ZNF420: variants seen among roughly 807,000 people sequenced by gnomAD.
ZNF420 encodes ATM and p53-associated KZNF protein.
Under a neutral mutation model 44.7 loss-of-function variants are expected in ZNF420, and 31 were observed. That is an observed-to-expected ratio of 0.69 (90% CI 0.52 to 0.94). The LOEUF (loss-of-function observed/expected upper bound fraction) is 0.94. ZNF420 is among the 40% of genes least tolerant of loss of function. ZNF420 has a pLI of 0.00. For missense variants in ZNF420, 681 were observed against 827.9 expected, an observed-to-expected ratio of 0.82 and a Z score of 2.18; for synonymous variants, 245 against 267.4, an observed-to-expected ratio of 0.92 and a Z score of 0.82.
intron 4 of ZNF420, chr19:37,091,329 C>A: frequency 2.7e-6 from 1 of 366,094 alleles, no homozygotes; most frequent in Non-Finnish European, 4.8e-6. Flanking sequence ...CTTCTAATAC[C>A]ATCTTCCCTG....
At chr19:37,055,758 A>G (rs1220525222) in intron 1 of ZNF420, among the ~76,000 whole-genome samples, 1 of 152,216 alleles carries the variant, frequency 6.6e-6, no homozygotes, top group African/African-American at 2.4e-5. Flanking sequence ...CAGAAGGTCA[A>G]CAAAACTGTT....
chr19:37,062,787 T>C (rs1238153926), intron 1 of ZNF420, among the ~76,000 whole-genome samples: 1 of 152,154 alleles, frequency 6.6e-6, no homozygotes, highest in Admixed American at 6.6e-5. Flanking sequence ...AATCCTGAGA[T>C]GGCCAAGGTA....
chr19:37,044,765 T>A (rs932123137), intron 1 of ZNF420, among the ~76,000 whole-genome samples: 3 of 151,726 alleles, frequency 2.0e-5, no homozygotes, highest in African/African-American at 7.3e-5. Context: ...TGAGGCAGAG[T>A]TTGCAATGAG....
intron 1 of ZNF420, among the ~76,000 whole-genome samples, chr19:37,054,160 G>A (rs181554680): frequency 5.3e-5 from 8 of 152,354 alleles, no homozygotes; most frequent in Admixed American, 3.9e-4. Context: ...CTCTGAGCCA[G>A]GCATGGGATA....
At chr19:37,021,006 G>T (rs952399107) in intron 1 of ZNF420, among the ~76,000 whole-genome samples, 5 of 152,164 alleles carry the variant, frequency 3.3e-5, no homozygotes, top group Non-Finnish European at 7.3e-5. Context: ...CTGAACAGAA[G>T]TGTATGCTTT....
chr19:37,011,239 G>A (rs1422236797), intron 1 of ZNF420, among the ~76,000 whole-genome samples: 2 of 152,196 alleles, frequency 1.3e-5, no homozygotes, highest in African/African-American at 2.4e-5. Flanking sequence ...CTCCAAACCC[G>A]TTTCTGGTGG....
chr19:37,052,623 T>C (rs1967660020), intron 1 of ZNF420, among the ~76,000 whole-genome samples: 5 of 152,148 alleles, frequency 3.3e-5, no homozygotes, highest in Admixed American at 2.0e-4. Flanking sequence ...TCTTATGAAG[T>C]TTAGTTTGGC....
At chr19:37,115,441 G>C (rs1970622183) in intron 4 of ZNF420, among the ~76,000 whole-genome samples, 1 of 152,034 alleles carries the variant, frequency 6.6e-6, no homozygotes, top group Non-Finnish European at 1.5e-5. Context: ...ATAGTGGGGA[G>C]AGGGTCAGCA....
At chr19:37,044,236 G>C (rs894025307) in intron 1 of ZNF420, among the ~76,000 whole-genome samples, 5 of 152,218 alleles carry the variant, frequency 3.3e-5, no homozygotes, top group African/African-American at 1.2e-4. Flanking sequence ...CCAAGGATGG[G>C]CTGAGCACAG....
intron 1 of ZNF420, among the ~76,000 whole-genome samples, chr19:37,053,820 A>C (rs1967689447): frequency 6.6e-6 from 1 of 152,236 alleles, no homozygotes; most frequent in African/African-American, 2.4e-5. Flanking sequence ...GACCCACTTG[A>C]GGAGGCAATC....
At position 37,127,534 on chromosome 19, in the gene ZNF420, A is replaced by G. The variant is rs751896879; in HGVS notation, c.543A>G (p.Gln181=). ...QCGKAFSRDS[Q]LSLHQRLHTG... ...GGAAGGCCTTTAGTCGTGATTCACA[A>G]CTCAGTCTTCATCAGAGACTTCATA... Residue 181 remains glutamine, a synonymous_variant, in exon 5 of 5, where the codon CAA becomes CAG. Coordinates refer to ENST00000337995, the MANE Select transcript of ZNF420 (RefSeq NM_144689.5). 6.2e-6 allele frequency: 10 copies of G among 1,613,846 alleles called. No homozygotes were observed. In the South Asian group the frequency reaches 6.6e-5, roughly 11 times the overall value.
In ZNF420 at chr19:37,127,744, T is replaced by C; in HGVS notation, c.753T>C (p.Tyr251=). ...HQKVHTGEKP[Y]ECKECGKAFT... ...AAGTTCATACTGGTGAGAAACCTTA[T>C]GAATGTAAAGAATGTGGGAAGGCCT... Residue 251 remains tyrosine, a synonymous_variant, in exon 5 of 5, where the codon TAT becomes TAC. Transcript: ENST00000337995. The C allele has an allele frequency of 6.2e-7, 1 of 1,614,062 alleles. No homozygotes were observed. The highest frequency in any genetic ancestry group is 1.1e-5 in the South Asian group (1 of 91,080).
chr19:37,009,249 T>C (rs916723939), intron 1 of ZNF420, among the ~76,000 whole-genome samples: 1 of 152,134 alleles, frequency 6.6e-6, no homozygotes, highest in Non-Finnish European at 1.5e-5. Flanking sequence ...GAGGTTGCGT[T>C]AGGGCTACCT....
intron 1 of ZNF420, among the ~76,000 whole-genome samples, chr19:37,061,360 G>T (rs1376358274): frequency 6.6e-6 from 1 of 152,194 alleles, no homozygotes; most frequent in African/African-American, 2.4e-5. Context: ...CCATCAGACT[G>T]TTATATATGC....
At chr19:37,085,892 A>G (rs1030956994) in intron 2 of ZNF420, among the ~76,000 whole-genome samples, 36 of 151,076 alleles carry the variant, frequency 2.4e-4, no homozygotes, top group African/African-American at 8.7e-4. Context: ...CAGCCTCCCA[A>G]GTAGCTAGGA....
intron 1 of ZNF420, among the ~76,000 whole-genome samples, chr19:37,054,005 A>C (rs1462745707): frequency 1.3e-5 from 2 of 152,178 alleles, no homozygotes; most frequent in Non-Finnish European, 2.9e-5. Context: ...GGTGGGCTCC[A>C]CCCAGTTGGA....
intron 4 of ZNF420, among the ~76,000 whole-genome samples, chr19:37,111,988 T>A (rs558459593): frequency 6.6e-6 from 1 of 152,116 alleles, no homozygotes; most frequent in South Asian, 2.1e-4. Flanking sequence ...ACAGGAGAAT[T>A]CCAAGGCGAG....
intron 2 of ZNF420, among the ~76,000 whole-genome samples, chr19:37,087,892 G>A (rs1424425143): frequency 2.0e-5 from 3 of 152,130 alleles, no homozygotes; most frequent in African/African-American, 7.2e-5. Flanking sequence ...TGATCCGCCC[G>A]CTTCGGCCTC....
chr19:37,081,697 TGTA>T (rs1237685605), intron 2 of ZNF420, among the ~76,000 whole-genome samples: 3 of 141,468 alleles, frequency 2.1e-5, no homozygotes, highest in African/African-American at 7.9e-5. Context: ...AGCTAATTTT[TGTA>T]TTTTTTTTTT....
Sources: gnomAD v4.1 joint callset for allele counts (sites outside exome capture counted in the v4.1 genomes callset) on GRCh38, gnomAD v4.1.1 for gene constraint, MANE v1.5 for transcripts, NCBI Gene and HGNC (gene_info 2026-07-23, HGNC 2026-07-21) for gene names.